The following CXorf65 variants were observed in gnomAD, a reference collection of about 807,000 sequenced individuals.
CXorf65 encodes uncharacterized protein CXorf65.
For missense variants in CXorf65, 137 were observed against 144.7 expected (o/e 0.95, Z 0.27); for synonymous variants, 54 against 51.4 (o/e 1.05, Z -0.21).
Position 71,104,062 on chromosome X carries a change from C to G in CXorf65, c.477G>C (p.Pro159=), listed in dbSNP as rs1287459485. The G allele has an allele frequency of 8.3e-7, 1 of 1,209,001 alleles. No homozygotes were observed. Among genetic ancestry groups the G allele is most frequent in the Non-Finnish European group, 1.1e-6 (1 of 893,654 alleles). ...TGAAGTCTGGTCTGTTCCTAAAGGT[C>G]GGAGACTTGCGAGTGGACTTCTTTT... ...SDKKKSTRKS[P]TFRNRPDFRK... Residue 159 remains proline (P), a synonymous_variant, in exon 6 of 6, where the codon CCG becomes CCC. Transcript: ENST00000374251.
rs746565444 is a variant in CXorf65 at position 71,106,373 on chromosome X, A to C, written c.79T>G (p.Tyr27Asp). The C allele has an allele frequency of 1.7e-6, 2 of 1,210,658 alleles. No individual in the cohort carries two copies. The highest frequency in any genetic ancestry group is 1.8e-5 in the South Asian group (1 of 56,970). ...TNCAVVVLLYYIRSKVKLPKT... is the reference protein window; with the variant it reads ...TNCAVVVLLYDIRSKVKLPKT... ...GGCAACTTTACTTTACTGCGGATGTAATACAGCAACACGACGACAGCACAG... is the reference window on the plus strand; with the variant it reads ...GGCAACTTTACTTTACTGCGGATGTCATACAGCAACACGACGACAGCACAG... Residue 27 changes from tyrosine (Y) to aspartate (D), a missense_variant, in exon 2 of 6, where the codon TAC becomes GAC. Tyr to Asp is a radical substitution (Grantham distance 160). Coordinates refer to ENST00000374251, the MANE Select transcript of CXorf65 (RefSeq NM_001025265.3).
chrX:71,106,412 G>C lies in CXorf65; in HGVS notation c.40C>G (p.Leu14Val). The change falls in exon 2 of 6, where the codon CTG becomes GTG. Residue 14 changes from leucine (L) to valine (V), a missense_variant. By Grantham distance (32) the Leu-to-Val change is conservative. Transcript: ENST00000374251. ...ACGACAGCACAGTTGGTATTGACCA[G>C]AAACTGCTGATTATCTGAGAAGAGA... ...FIKHGDNQQFLVNTNCAVVVL... is the reference protein window; with the variant it reads ...FIKHGDNQQFVVNTNCAVVVL... 1 of 1,209,385 alleles carries C rather than the reference G, an allele frequency of 8.3e-7. No homozygotes were observed. Among genetic ancestry groups the C allele is most frequent in the Non-Finnish European group, 1.1e-6 (1 of 893,390 alleles).
At chrX:71,104,262 G>T in intron 5 of CXorf65, 36 bp downstream of exon 5, 3 of 1,114,684 alleles carry the variant, frequency 2.7e-6, no homozygotes, top group Non-Finnish European at 1.2e-6. Flanking sequence ...TAGGGAGAGG[G>T]GGGTGCTGGG....
intron 1 of CXorf65, 26 bp downstream of exon 1, chrX:71,106,506 G>T: frequency 8.3e-7 from 1 of 1,208,913 alleles, no homozygotes; most frequent in Non-Finnish European, 1.1e-6. Context: ...CCCATCCACA[G>T]ACTCTAGTTC....
intron 3 of CXorf65, 45 bp from the exon 4 acceptor site, chrX:71,104,882 C>A: frequency 8.9e-7 from 1 of 1,123,682 alleles, no homozygotes; most frequent in Non-Finnish European, 1.2e-6. Context: ...GTCATCCAGT[C>A]TCCACCCTTC....
rs1190703361 is a variant in CXorf65, at chrX:71,106,020, T to C, written c.230A>G (p.Lys77Arg). Residue 77 changes from lysine (K) to arginine (R), a missense_variant, in exon 3 of 6, where the codon AAG (lysine) becomes AGG (arginine). Lys to Arg is a conservative substitution (Grantham distance 26, BLOSUM62 2). Coordinates refer to ENST00000374251, the MANE Select transcript of CXorf65 (RefSeq NM_001025265.3). The stretch of plus-strand genomic sequence containing the variant: ...TCTACCTGGTGGCCCACGTTCCACC[T>C]TACAAACGTAGTAGGTGCTTCGAGC... ...LTARSTYYVC[K>R]VERGPPGTRL... 8.3e-7 allele frequency: 1 copy of C among 1,211,467 alleles called. No homozygotes were observed. Among genetic ancestry groups the C allele is most frequent in the Non-Finnish European group, 1.1e-6 (1 of 895,194 alleles).
rs769213016 is a variant in CXorf65, at chrX:71,104,546, C to T, written c.320-142G>A. 40 of 509,933 alleles carry T rather than the reference C, an allele frequency of 7.8e-5. No homozygotes were observed. The African/African-American group carries it at 9.2e-4, about 12-fold the overall frequency. 42.0% of individuals were successfully genotyped at this position (509,933 alleles called of 1,213,427 possible). A position where few individuals can be genotyped will look rare whatever the true frequency, so the allele number is the denominator to read the frequency against. ...GATGGAATGGTGACAGGGAGATATACGGAGAAGATGGCCAAGAAATGGGGG... is the reference window on the plus strand; with the variant it reads ...GATGGAATGGTGACAGGGAGATATATGGAGAAGATGGCCAAGAAATGGGGG... On this transcript the variant is annotated intron_variant, in intron 4 of 5. Transcript: ENST00000374251.
chrX:71,104,983 G>T (rs1404096711), intron 3 of CXorf65, 146 bp from the exon 4 acceptor site: 6 of 487,847 alleles, frequency 1.2e-5, no homozygotes, highest in Non-Finnish European at 2.1e-5. Flanking sequence ...GGAGGCCAAG[G>T]TGGGCGGATC....
In CXorf65 at chrX:71,104,315, G is replaced by T; in HGVS notation, c.409C>A (p.Pro137Thr). The T allele has an allele frequency of 8.3e-7, 1 of 1,205,344 alleles. No individual in the cohort carries two copies. The highest frequency in any genetic ancestry group is 1.1e-6 in the Non-Finnish European group (1 of 890,415). The change falls in exon 5 of 6, where the codon CCC becomes ACC. Residue 137 changes from proline (P) to threonine (T), a missense_variant. Physicochemically the swap from Pro to Thr is conservative, Grantham distance 38. Transcript: ENST00000374251. The stretch of plus-strand genomic sequence containing the variant: ...AGTCTTACCGGGACACTCGCAGGGG[G>T]TTCAATTATAACGACCTTCTTGGCT... Reference protein sequence around the residue: ...KEAKKVVIIEPPASVPSKQSG... With the variant: ...KEAKKVVIIETPASVPSKQSG...
At chrX:71,104,664 CTATCATCTGACCTACCA>C (rs2092242022) in intron 4 of CXorf65, 88 bp downstream of exon 4, 1 of 835,082 alleles carries the variant, frequency 1.2e-6, no homozygotes, top group Non-Finnish European at 1.8e-6. Flanking sequence ...TCCTAGGCTC[CTATCATCTGACCTACCA>C]TATCACGCTA....
At chrX:71,104,982 G>A in intron 3 of CXorf65, 145 bp from the exon 4 acceptor site, 1 of 488,768 alleles carries the variant, frequency 2.0e-6, no homozygotes, top group Admixed American at 3.3e-5. Flanking sequence ...GGGAGGCCAA[G>A]GTGGGCGGAT....
rs1226867915 is a variant in CXorf65 at position 71,104,952 on chromosome X, G to A, written c.251-115C>T. 10 of 651,922 alleles carry A rather than the reference G, an allele frequency of 1.5e-5. No individual in the cohort carries two copies. In the East Asian group the frequency reaches 2.5e-4, roughly 16 times the overall value. The allele number at this position is 651,922 out of a possible 1,213,427, so 53.7% of individuals were successfully genotyped here. A position where few individuals can be genotyped will look rare whatever the true frequency, so the allele number is the denominator to read the frequency against. On this transcript the variant is annotated intron_variant, in intron 3 of 5. Coordinates refer to ENST00000374251, the MANE Select transcript of CXorf65 (RefSeq NM_001025265.3). ...CTACCCGCCAGATGCGGTGGCTCAC[G>A]CCTGTAATCCCAGCATTTTGGGAGG...
intron 5 of CXorf65, 55 bp downstream of exon 5, chrX:71,104,243 G>T: frequency 9.0e-7 from 1 of 1,112,335 alleles, no homozygotes; most frequent in Non-Finnish European, 1.2e-6. Flanking sequence ...GGAACATTCA[G>T]TCGGCTGGTA....
In CXorf65 at chrX:71,106,372, T is replaced by C. The variant is rs768172420; in HGVS notation, c.80A>G (p.Tyr27Cys). The stretch of plus-strand genomic sequence containing the variant: ...AGGCAACTTTACTTTACTGCGGATG[T>C]AATACAGCAACACGACGACAGCACA... ...TNCAVVVLLY[Y>C]IRSKVKLPKT... The change falls in exon 2 of 6, where the codon TAC becomes TGC. Residue 27 changes from tyrosine to cysteine, a missense_variant. Tyr to Cys is a radical substitution (Grantham distance 194). Coordinates refer to ENST00000374251, the MANE Select transcript of CXorf65 (RefSeq NM_001025265.3). 59 of 1,208,706 alleles carry C rather than the reference T, an allele frequency of 4.9e-5. 1 individual carries two copies. In the South Asian group the frequency reaches 8.8e-4, roughly 18 times the overall value.
At chrX:71,104,923 A>C in intron 3 of CXorf65, 86 bp from the exon 4 acceptor site, 1 of 883,664 alleles carries the variant, frequency 1.1e-6, no homozygotes, top group Non-Finnish European at 1.6e-6. Context: ...CCTAACACTA[A>C]AGACTACCCG....
intron 5 of CXorf65, 64 bp downstream of exon 5, chrX:71,104,234 G>T: frequency 9.0e-7 from 1 of 1,106,364 alleles, no homozygotes; most frequent in South Asian, 1.9e-5. Flanking sequence ...TGGGGTGTAG[G>T]AACATTCAGT....
rs1390444373 is a variant in CXorf65, at chrX:71,104,322, T to C, written c.402A>G (p.Ile134Met). 2 of 1,205,222 alleles carry C rather than the reference T, an allele frequency of 1.7e-6. No homozygotes were observed. Among genetic ancestry groups the C allele is most frequent in the Non-Finnish European group, 2.2e-6 (2 of 892,307 alleles). Reference sequence around the variant, plus strand: ...CCGGGACACTCGCAGGGGGTTCAATTATAACGACCTTCTTGGCTTCTTTCA... The same window carrying C: ...CCGGGACACTCGCAGGGGGTTCAATCATAACGACCTTCTTGGCTTCTTTCA... ...LKMKEAKKVV[I>M]IEPPASVPSK... Residue 134 changes from isoleucine to methionine, a missense_variant, in exon 5 of 6, where the codon ATA becomes ATG. By Grantham distance (10) the Ile-to-Met change is conservative. Transcript: ENST00000374251.
At chrX:71,104,914 C>G in intron 3 of CXorf65, 77 bp from the exon 4 acceptor site, 1 of 983,256 alleles carries the variant, frequency 1.0e-6, no homozygotes, top group Admixed American at 2.3e-5. Context: ...ATTCCAGGAC[C>G]TAACACTAAA....
At chrX:71,105,670 G>T (rs1305142451) in intron 3 of CXorf65, among the ~76,000 whole-genome samples, 1 of 111,155 alleles carries the variant, frequency 9.0e-6, no homozygotes, top group Non-Finnish European at 1.9e-5. Context: ...TATTATAGAG[G>T]CAGTACCCTT....
Sources: gnomAD v4.1 joint callset for allele counts (sites outside exome capture counted in the v4.1 genomes callset) on GRCh38, gnomAD v4.1.1 for gene constraint, MANE v1.5 for transcripts, NCBI Gene and HGNC (gene_info 2026-07-23, HGNC 2026-07-21) for gene names.